ATP8A1: variants seen among roughly 807,000 people sequenced by gnomAD.
ATP8A1 encodes phospholipid-transporting ATPase IA.
ATP8A1 carries 90 observed loss-of-function variants against 177.7 expected under a neutral mutation model. That is an observed-to-expected ratio of 0.51 (90% CI 0.43 to 0.60). ATP8A1 has a LOEUF of 0.60. Among genes scored for constraint, ATP8A1 ranks in the 20% least tolerant of loss-of-function variants. ATP8A1 has a pLI of 0.00. For missense variants in ATP8A1, 1,072 were observed against 1,392.8 expected, an observed-to-expected ratio of 0.77 and a Z score of 3.67; for synonymous variants, 493 against 485.9, an observed-to-expected ratio of 1.01 and a Z score of -0.19.
chr4:42,470,610 GATAAT>G lies in ATP8A1; in HGVS notation c.2325-5539_2325-5535del, dbSNP rs374699011. On this transcript the variant is annotated intron_variant, in intron 25 of 36. Coordinates refer to ENST00000381668, the MANE Select transcript of ATP8A1 (RefSeq NM_006095.2). ...TCTTACATATACACAAAATTATACT[GATAAT>G]ATAATATGATCTCAAAGACTTATAC... 1.2e-3 allele frequency among the ~76,000 whole-genome samples: 188 copies of G among 152,204 alleles called. 1 individual carries two copies. The highest frequency in any genetic ancestry group is 4.3e-3 in the African/African-American group (180 of 41,538).
intron 22 of ATP8A1, among the ~76,000 whole-genome samples, chr4:42,519,887 T>C (rs1410071616): frequency 6.6e-6 from 1 of 152,202 alleles, no homozygotes; most frequent in African/African-American, 2.4e-5. Flanking sequence ...GTAAACTATA[T>C]GTAGTTTACA....
intron 30 of ATP8A1, 117 bp downstream of exon 30, chr4:42,451,864 G>C (rs1252283550): frequency 1.5e-6 from 1 of 683,290 alleles, no homozygotes; most frequent in Non-Finnish European, 2.3e-6. Context: ...ATGCATTTTA[G>C]GTTAAGAGAA....
intron 33 of ATP8A1, among the ~76,000 whole-genome samples, chr4:42,436,904 A>G (rs373449533): frequency 1.6e-4 from 24 of 152,374 alleles, no homozygotes; most frequent in African/African-American, 4.3e-4. Flanking sequence ...AGGCAACAGC[A>G]CAATTTAGGA....
At chr4:42,589,924 A>C (rs1172755515) in intron 7 of ATP8A1, among the ~76,000 whole-genome samples, 2 of 152,132 alleles carry the variant, frequency 1.3e-5, no homozygotes, top group African/African-American at 2.4e-5. Context: ...CAAATGGCTA[A>C]GTTCTATTTG....
chr4:42,415,694 A>G (rs1274584035), intron 35 of ATP8A1, among the ~76,000 whole-genome samples: 1 of 152,214 alleles, frequency 6.6e-6, no homozygotes, highest in Non-Finnish European at 1.5e-5. Context: ...GAACTGATTC[A>G]GCTGAAAAAT....
At chr4:42,576,475 CAAAAAAAAAAAAAAAAA>C (rs1159794343) in intron 12 of ATP8A1, among the ~76,000 whole-genome samples, 5 of 32,402 alleles carry the variant, frequency 1.5e-4, no homozygotes, top group South Asian at 2.0e-3. Context: ...GACGCCGTCT[CAAAAAAAAAAAAAAAAA>C]AAAAAAAAAA....
intron 24 of ATP8A1, among the ~76,000 whole-genome samples, chr4:42,494,238 C>T (rs28591353): frequency 9.4e-4 from 140 of 148,372 alleles, no homozygotes; most frequent in African/African-American, 3.3e-3. Context: ...TTTGGGAGGC[C>T]GAGGCGGGTG....
intron 22 of ATP8A1, among the ~76,000 whole-genome samples, chr4:42,518,823 T>G (rs1207210141): frequency 6.6e-6 from 1 of 152,268 alleles, no homozygotes; most frequent in East Asian, 1.9e-4. Flanking sequence ...TTTGCTCAAT[T>G]TAAAGCCAGG....
At chr4:42,454,657 A>G (rs1718287835) in intron 29 of ATP8A1, among the ~76,000 whole-genome samples, 1 of 152,106 alleles carries the variant, frequency 6.6e-6, no homozygotes, top group African/African-American at 2.4e-5. Context: ...TATATAGAAA[A>G]TGAGGTGTGT....
At chr4:42,577,148 T>C (rs1411284790) in intron 12 of ATP8A1, among the ~76,000 whole-genome samples, 2 of 152,230 alleles carry the variant, frequency 1.3e-5, no homozygotes, top group Admixed American at 6.5e-5. Context: ...AATTATATAA[T>C]TCTTTGAAAG....
At chr4:42,640,909 C>T (rs1460361) in intron 1 of ATP8A1, among the ~76,000 whole-genome samples, 26,956 of 151,370 alleles carry the variant, frequency 0.18, 2,475 homozygotes, top group East Asian at 0.22. Flanking sequence ...AGGAACATCA[C>T]GGACAGGTGG....
At chr4:42,644,769 G>A (rs974542271) in intron 1 of ATP8A1, among the ~76,000 whole-genome samples, 3 of 151,226 alleles carry the variant, frequency 2.0e-5, no homozygotes, top group Non-Finnish European at 4.4e-5. Flanking sequence ...CCTCATCTCA[G>A]CAATTAGGGA....
chr4:42,502,863 A>T (rs1287521919), intron 24 of ATP8A1, among the ~76,000 whole-genome samples: 1 of 152,212 alleles, frequency 6.6e-6, no homozygotes, highest in South Asian at 2.1e-4. Flanking sequence ...TAATATTAAC[A>T]GGTCACTTGA....
intron 27 of ATP8A1, among the ~76,000 whole-genome samples, chr4:42,456,554 C>T (rs1718505307): frequency 6.6e-6 from 1 of 152,044 alleles, no homozygotes; most frequent in African/African-American, 2.4e-5. Context: ...ACAAATTTTT[C>T]TCTAGCATGT....
chr4:42,582,125 A>C (rs1733154644), intron 9 of ATP8A1, among the ~76,000 whole-genome samples: 1 of 152,152 alleles, frequency 6.6e-6, no homozygotes, highest in African/African-American at 2.4e-5. Context: ...ACACTCGAGG[A>C]GTTTACTCTT....
rs77518643 is a variant in ATP8A1, at chr4:42,611,098, A to G, written c.409+4935T>C. On this transcript the variant is annotated intron_variant, in intron 5 of 36. Coordinates refer to ENST00000381668, the MANE Select transcript of ATP8A1 (RefSeq NM_006095.2). The stretch of plus-strand genomic sequence containing the variant: ...AACACATTCAATCCACATCAACTCA[A>G]CACCTTTTTCACAAAGGACTTTAAA... Among the ~76,000 whole-genome samples, 718 of 152,302 alleles carry G rather than the reference A, an allele frequency of 4.7e-3. 6 individuals are homozygous for G. The highest frequency in any genetic ancestry group is 0.017 in the African/African-American group (687 of 41,560).
intron 1 of ATP8A1, chr4:42,637,049 T>C: frequency 4.1e-6 from 2 of 491,408 alleles, no homozygotes; most frequent in South Asian, 3.0e-5. Context: ...GGAAGCCAAG[T>C]CCTGTCCCAA....
At chr4:42,634,434 A>C (rs1356562463) in intron 1 of ATP8A1, among the ~76,000 whole-genome samples, 1 of 152,226 alleles carries the variant, frequency 6.6e-6, no homozygotes, top group Non-Finnish European at 1.5e-5. Flanking sequence ...AAATACAACA[A>C]ATAATTAACC....
intron 5 of ATP8A1, among the ~76,000 whole-genome samples, chr4:42,605,202 G>C (rs1345336367): frequency 6.6e-6 from 1 of 152,234 alleles, no homozygotes; most frequent in East Asian, 1.9e-4. Context: ...AATAGCTACA[G>C]AAAAAGATGC....
Sources: allele counts gnomAD v4.1 joint callset (sites outside exome capture counted in the v4.1 genomes callset), GRCh38; gene constraint gnomAD v4.1.1; transcripts MANE v1.5; gene names NCBI Gene and HGNC (gene_info 2026-07-23, HGNC 2026-07-21).